The following CD163 variants were observed in gnomAD, a reference collection of about 807,000 sequenced individuals.
The protein encoded by CD163 is CD163 molecule, also known as scavenger receptor cysteine-rich type 1 protein M130.
In CD163, 64 loss-of-function variants were observed where a neutral mutation model predicts 129.2. That is an observed-to-expected ratio of 0.50 (90% CI 0.41 to 0.61). The LOEUF is 0.61. Among genes scored for constraint, CD163 ranks in the 20% least tolerant of loss-of-function variants. CD163 has a pLI of 0.00. For missense variants in CD163, 1,061 were observed against 1,377.9 expected, an observed-to-expected ratio of 0.77 and a Z score of 3.64; for synonymous variants, 446 against 478.5, an observed-to-expected ratio of 0.93 and a Z score of 0.89.
intron 16 of CD163, among the ~76,000 whole-genome samples, chr12:7,478,014 T>G (rs1442890498): frequency 6.6e-6 from 1 of 152,186 alleles, no homozygotes; most frequent in Admixed American, 6.5e-5. Flanking sequence ...AGCCAATACA[T>G]AAATGGAATA....
intron 2 of CD163, 149 bp downstream of exon 2, chr12:7,502,329 T>C: frequency 1.4e-6 from 1 of 702,874 alleles, no homozygotes; most frequent in Admixed American, 2.4e-5. Flanking sequence ...ATTTTTATTG[T>C]GTGCTTTTAA....
chr12:7,482,996 C>A lies in CD163; in HGVS notation c.3097G>T (p.Val1033Leu), dbSNP rs1449521753. 2 of 1,613,586 alleles carry A rather than the reference C, an allele frequency of 1.2e-6. No individual in the cohort carries two copies. Among genetic ancestry groups the A allele is most frequent in the Non-Finnish European group, 1.7e-6 (2 of 1,179,762 alleles). The change falls in exon 13 of 17, where the codon GTG becomes TTG. Residue 1033 changes from valine to leucine, a missense_variant. Physicochemically the swap from Val to Leu is conservative, Grantham distance 32. Coordinates refer to ENST00000432237, the MANE Select transcript of CD163 (RefSeq NM_203416.4). ...GTGGCTTTTTGTGGGGTTTTCTGCA[C>A]TGAAATATCTGTAGGAGAAAAGAAA... ...DAAVNCTDIS[V>L]QKTPQKATTG...
intron 15 of CD163, chr12:7,480,894 G>T (rs1949153398): frequency 1.8e-6 from 2 of 1,089,244 alleles, no homozygotes; most frequent in Non-Finnish European, 1.1e-6. Context: ...ATAAAATGAG[G>T]TCCAAGTCAT....
At chr12:7,479,266 T>C (rs923510815) in intron 16 of CD163, among the ~76,000 whole-genome samples, 49 of 152,288 alleles carry the variant, frequency 3.2e-4, no homozygotes, top group African/African-American at 1.2e-3. Context: ...AGATTTTATC[T>C]CTATCTTCAG....
chr12:7,495,779 C>T (rs765601881), intron 5 of CD163, among the ~76,000 whole-genome samples: 1 of 152,134 alleles, frequency 6.6e-6, no homozygotes, highest in South Asian at 2.1e-4. Context: ...AATGAGATAC[C>T]ATCTCATCCC....
chr12:7,497,634 C>T (rs1436808540), intron 4 of CD163, among the ~76,000 whole-genome samples: 2 of 152,170 alleles, frequency 1.3e-5, no homozygotes, highest in African/African-American at 4.8e-5. Flanking sequence ...GGCTTCAGTA[C>T]TACAATTTTC....
intron 14 of CD163, among the ~76,000 whole-genome samples, chr12:7,481,829 T>C (rs1949166235): frequency 6.6e-6 from 1 of 151,892 alleles, no homozygotes; most frequent in African/African-American, 2.4e-5. Context: ...TCAACTTTTC[T>C]CCCCCCGCCC....
Position 7,488,097 on chromosome 12 carries a change from A to C in CD163, c.1421-10T>G, listed in dbSNP as rs1403795411. On this transcript the variant is annotated splice_polypyrimidine_tract_variant and intron_variant, in intron 6 of 16. Coordinates refer to ENST00000432237, the MANE Select transcript of CD163 (RefSeq NM_203416.4). Reference sequence around the variant, plus strand: ...CTGGGTTCCCTGTGGGCTGAAAAATAAATATTATTTCAGTGAGAGGTAATA... The same window carrying C: ...CTGGGTTCCCTGTGGGCTGAAAAATCAATATTATTTCAGTGAGAGGTAATA... 6.3e-7 allele frequency: 1 copy of C among 1,591,500 alleles called. No homozygotes were observed. Among genetic ancestry groups the C allele is most frequent in the Admixed American group, 1.8e-5 (1 of 56,688 alleles).
intron 4 of CD163, among the ~76,000 whole-genome samples, chr12:7,498,146 C>CACACACACACACAGAG (rs537347284): frequency 6.7e-6 from 1 of 148,860 alleles, no homozygotes; most frequent in African/African-American, 2.5e-5. Flanking sequence ...CACACACACA[C>CACACACACACACAGAG]AGAGAGAGAG....
In CD163 at chr12:7,483,043, A is replaced by G. The variant is rs756145969; in HGVS notation, c.3089-39T>C. The G allele has an allele frequency of 1.9e-6, 3 of 1,594,652 alleles. No individual in the cohort carries two copies. In the African/African-American group the frequency reaches 4.0e-5, roughly 21 times the overall value. On this transcript the variant is annotated intron_variant, in intron 12 of 16. Transcript: ENST00000432237. ...GAAAGAGAGAGGGTTAATTCTTTGCATGATATATAGAACAAGCCTTCTGAT... is the reference window on the plus strand; with the variant it reads ...GAAAGAGAGAGGGTTAATTCTTTGCGTGATATATAGAACAAGCCTTCTGAT...
chr12:7,496,959 C>T lies in CD163; in HGVS notation c.953G>A (p.Arg318Gln), dbSNP rs965223448. Residue 318 changes from arginine to glutamine, a missense_variant, in exon 5 of 17, where the codon CGA (arginine) becomes CAA (glutamine). Physicochemically the swap from Arg to Gln is conservative, Grantham distance 43. Transcript: ENST00000432237. This position sits in a 1 kb window ranked among gnomAD's most constrained non-coding sequence, Gnocchi z 4.8. ...GCPTAVTAIG[R>Q]VNASKGFGHI... ...TCCAAATCCCTTACTGGCGTTAACT[C>T]GACCAATGGCTGTGACGGCAGTTGG... The T allele has an allele frequency of 4.3e-6, 7 of 1,613,958 alleles. No individual in the cohort carries two copies. The highest frequency in any genetic ancestry group is 5.9e-6 in the Non-Finnish European group (7 of 1,180,002).
chr12:7,502,553 G>A lies in CD163; in HGVS notation c.58C>T (p.His20Tyr). 3 of 1,551,834 alleles carry A rather than the reference G, an allele frequency of 1.9e-6. No individual in the cohort carries two copies. The highest frequency in any genetic ancestry group is 2.3e-5 in the East Asian group (1 of 43,112). ...EDSGSADFRRHFVNLSPFTIT... is the reference protein window; with the variant it reads ...EDSGSADFRRYFVNLSPFTIT... ...GTGAAGGGACTCAAGTTGACAAAAT[G>A]TCTTCTGAAGTCTGTGAAAAAGAAA... Residue 20 changes from histidine to tyrosine, a missense_variant, in exon 2 of 17, where the codon CAT becomes TAT. Coordinates refer to ENST00000432237, the MANE Select transcript of CD163 (RefSeq NM_203416.4).
intron 15 of CD163, 90 bp from the exon 16 acceptor site, chr12:7,480,003 G>C: frequency 6.2e-7 from 1 of 1,603,684 alleles, no homozygotes. Flanking sequence ...TTTTCTGAAA[G>C]GAAGAAAATA....
rs1459636473 is a variant in CD163, at chr12:7,482,975, CT to C, written c.3117del (p.Ala1040ProfsTer32). Reference protein sequence around the residue: ...TDISVQKTPQKATTGRSSRQS... With the variant: ...TDISVQKTPQXATTGRSSRQS... ...AAACTCCATGATATACCTGTTGTGG[CT>C]TTTTGTGGGGTTTTCTGCACTGAAA... is the stretch of plus-strand genomic sequence containing the variant. On this transcript the variant is annotated frameshift_variant, in exon 13 of 17. Coordinates refer to ENST00000432237, the MANE Select transcript of CD163 (RefSeq NM_203416.4). LOFTEE classifies it high-confidence loss of function. 4 of 1,613,670 alleles carry C rather than the reference CT, an allele frequency of 2.5e-6. No homozygotes were observed. The highest frequency in any genetic ancestry group is 3.4e-6 in the Non-Finnish European group (4 of 1,179,874).
intron 16 of CD163, among the ~76,000 whole-genome samples, chr12:7,477,395 A>G (rs1259280085): frequency 6.6e-6 from 1 of 152,214 alleles, no homozygotes; most frequent in Non-Finnish European, 1.5e-5. Context: ...ACCATGGAAT[A>G]CTATAGAGCC....
At position 7,496,943 on chromosome 12, in the gene CD163, C is replaced by T; in HGVS notation, c.969G>A (p.Lys323=). 1 of 1,614,104 alleles carries T rather than the reference C, an allele frequency of 6.2e-7. No individual in the cohort carries two copies. The highest frequency in any genetic ancestry group is 8.5e-7 in the Non-Finnish European group (1 of 1,180,002). ...VTAIGRVNAS[K]GFGHIWLDSV... Reference sequence around the variant, plus strand: ...TGTCAAGCCAGATGTGTCCAAATCCCTTACTGGCGTTAACTCGACCAATGG... The same window carrying T: ...TGTCAAGCCAGATGTGTCCAAATCCTTTACTGGCGTTAACTCGACCAATGG... Residue 323 remains lysine (K), a synonymous_variant, in exon 5 of 17, where the codon AAG becomes AAA. Coordinates refer to ENST00000432237, the MANE Select transcript of CD163 (RefSeq NM_203416.4). The surrounding 1 kb of genome is among the most constrained non-coding windows in gnomAD (Gnocchi z 4.8).
At chr12:7,492,273 G>A (rs1195931740) in intron 6 of CD163, among the ~76,000 whole-genome samples, 1 of 152,148 alleles carries the variant, frequency 6.6e-6, no homozygotes, top group Non-Finnish European at 1.5e-5. Context: ...GCTCTGTGAA[G>A]TACGGAGCCC....
At position 7,485,512 on chromosome 12, in the gene CD163, G is replaced by C. The variant is rs1949235814; in HGVS notation, c.2459-96C>G. On this transcript the variant is annotated intron_variant, in intron 10 of 16. Coordinates refer to ENST00000432237, the MANE Select transcript of CD163 (RefSeq NM_203416.4). The surrounding 1 kb of genome is among the most constrained non-coding windows in gnomAD (Gnocchi z 4.5). The stretch of plus-strand genomic sequence containing the variant: ...GATGTAAGAATGGCTTTAAAAATAG[G>C]TACAATAGTACAATATGTCAGTTAC... 1 of 763,356 alleles carries C rather than the reference G, an allele frequency of 1.3e-6. No individual in the cohort carries two copies. Among genetic ancestry groups the C allele is most frequent in the Non-Finnish European group, 2.1e-6 (1 of 474,194 alleles). 47.3% of individuals were successfully genotyped at this position (763,356 alleles called of 1,614,324 possible).
intron 6 of CD163, among the ~76,000 whole-genome samples, chr12:7,494,180 T>C (rs193287132): frequency 6.6e-6 from 1 of 152,304 alleles, no homozygotes; most frequent in Admixed American, 6.5e-5. Context: ...AAGAATTGGA[T>C]AGTAGTGGGG....
Sources: gnomAD v4.1 joint callset for allele counts (sites outside exome capture counted in the v4.1 genomes callset) on GRCh38, gnomAD v4.1.1 for gene constraint, Gnocchi (gnomAD v3.1) non-coding constraint, MANE v1.5 for transcripts, NCBI Gene and HGNC (gene_info 2026-07-23, HGNC 2026-07-21) for gene names.